TPRX1: variants seen among roughly 807,000 people sequenced by gnomAD.
The protein encoded by TPRX1 is tetra-peptide repeat homeobox protein 1.
TPRX1 carries 2 observed loss-of-function variants against 8.1 expected under a neutral mutation model. That is an observed-to-expected ratio of 0.25 (90% confidence interval 0.10 to 0.78). The LOEUF (loss-of-function observed/expected upper bound fraction) is 0.78, where lower values mean the gene tolerates loss of function less well. TPRX1 is among the 30% of genes least tolerant of loss of function. The probability of loss-of-function intolerance (pLI) is 0.70; values close to 1 mark genes in which losing one functional copy is unlikely to be tolerated. For missense variants in TPRX1, 517 were observed against 586.9 expected (o/e 0.88, Z 1.23); for synonymous variants, 257 against 254.1 (o/e 1.01, Z -0.11).
intron 2 of TPRX1, among the ~76,000 whole-genome samples, chr19:47,815,057 C>A (rs1967818488): frequency 7.3e-6 from 1 of 137,364 alleles, no homozygotes; most frequent in African/African-American, 2.7e-5. Context: ...TCTTGGCCTC[C>A]CAAAGTGCTG....
intron 2 of TPRX1, among the ~76,000 whole-genome samples, chr19:47,810,234 G>A (rs1373019979): frequency 8.9e-5 from 8 of 90,002 alleles, no homozygotes; most frequent in Admixed American, 3.7e-4. Context: ...CAGCCCCGGC[G>A]ACAGAGTGAG....
At chr19:47,804,125 G>A (rs1483216652) in intron 2 of TPRX1, among the ~76,000 whole-genome samples, 2 of 150,598 alleles carry the variant, frequency 1.3e-5, no homozygotes, top group East Asian at 2.0e-4. Context: ...ATGTGATCAC[G>A]GCTCAAGTCA....
chr19:47,802,342 G>T, exon 4 of TPRX1: 1 of 1,190,664 alleles, frequency 8.4e-7, no homozygotes. Context: ...TTGGGCCTGG[G>T]ATCGGGCCTG....
chr19:47,803,908 C>T lies in TPRX1; in HGVS notation c.152-235G>A, dbSNP rs984417937. 3.3e-5 allele frequency among the ~76,000 whole-genome samples: 5 copies of T among 152,046 alleles called. No individual in the cohort carries two copies. The South Asian group carries it at 8.3e-4, about 25-fold the overall frequency. Reference sequence around the variant, plus strand: ...GGCAGGCAGCGTAGGCGCCTCACCTCGGAGCAGACGGGGCTGCCTCAGGCC... The same window carrying T: ...GGCAGGCAGCGTAGGCGCCTCACCTTGGAGCAGACGGGGCTGCCTCAGGCC... On this transcript the variant is annotated intron_variant, in intron 2 of 3. Coordinates refer to ENST00000535759, the Ensembl canonical transcript of TPRX1.
At chr19:47,818,184 ACCAT>A (rs902009512) in intron 2 of TPRX1, among the ~76,000 whole-genome samples, 8 of 150,448 alleles carry the variant, frequency 5.3e-5, no homozygotes, top group African/African-American at 1.7e-4. Flanking sequence ...GTTCTGCCCC[ACCAT>A]CCATCCATCC....
chr19:47,806,083 C>T (rs1266879627), intron 2 of TPRX1, among the ~76,000 whole-genome samples: 4 of 151,956 alleles, frequency 2.6e-5, no homozygotes, highest in South Asian at 2.1e-4. Flanking sequence ...ATTAGCTGGG[C>T]GTGGTGGCCA....
rs139181276 is a variant in TPRX1, at chr19:47,806,348, G to A, written c.152-2675C>T. On this transcript the variant is annotated intron_variant, in intron 2 of 3. Coordinates refer to ENST00000535759, the Ensembl canonical transcript of TPRX1. Reference sequence around the variant, plus strand: ...AGCTTGGTCGACATGGTGAAAATCCGTCTCTACTAAAAATACAAAAAATTA... The same window carrying A: ...AGCTTGGTCGACATGGTGAAAATCCATCTCTACTAAAAATACAAAAAATTA... Among the ~76,000 whole-genome samples, 1,209 of 152,080 alleles carry A rather than the reference G, an allele frequency of 7.9e-3. 18 individuals carry two copies. Among genetic ancestry groups the A allele is most frequent in the African/African-American group, 0.027 (1,123 of 41,498 alleles).
intron 2 of TPRX1, among the ~76,000 whole-genome samples, 129 bp downstream of exon 1, chr19:47,804,386 G>A (rs1016744694): frequency 2.6e-5 from 4 of 152,120 alleles, no homozygotes; most frequent in African/African-American, 9.7e-5. Flanking sequence ...ACACCACTAA[G>A]TTCTCCCCCG....
chr19:47,801,828 C>G (rs1967666230), exon 4 of TPRX1: 3 of 1,613,956 alleles, frequency 1.9e-6, no homozygotes, highest in Non-Finnish European at 2.5e-6. Flanking sequence ...ACAGAGCCAC[C>G]CTCCTCTTGG....
intron 2 of TPRX1, among the ~76,000 whole-genome samples, chr19:47,817,879 C>T (rs185202096): frequency 1.3e-5 from 2 of 152,370 alleles, no homozygotes; most frequent in Admixed American, 1.3e-4. Context: ...CAGGGCCCTC[C>T]CTTGTTGGCC....
At chr19:47,818,874 C>T in intron 1 of TPRX1, 1 of 274,316 alleles carries the variant, frequency 3.6e-6, no homozygotes, top group South Asian at 4.0e-5. Context: ...GGTATTTCTC[C>T]TAATGCTATT....
intron 2 of TPRX1, among the ~76,000 whole-genome samples, chr19:47,815,121 T>TAC (rs1967821197): frequency 1.1e-5 from 1 of 90,252 alleles, no homozygotes; most frequent in African/African-American, 4.8e-5. Flanking sequence ...AAATTATATA[T>TAC]ATATATATAT....
At chr19:47,818,638 G>C (rs560167670) in intron 1 of TPRX1, 1 of 440,730 alleles carries the variant, frequency 2.3e-6, no homozygotes, top group Non-Finnish European at 4.6e-6. Flanking sequence ...GGTATGAGGA[G>C]CACCCCCATC....
intron 2 of TPRX1, among the ~76,000 whole-genome samples, chr19:47,811,149 G>A (rs184377197): frequency 9.7e-4 from 146 of 150,126 alleles, no homozygotes; most frequent in Middle Eastern, 6.8e-3. Flanking sequence ...GATTACAGGC[G>A]CCCGCCACCA....
chr19:47,811,284 G>A (rs1238149025), intron 2 of TPRX1, among the ~76,000 whole-genome samples: 2 of 151,838 alleles, frequency 1.3e-5, no homozygotes, highest in African/African-American at 2.4e-5. Flanking sequence ...AATTACAGGT[G>A]TGAGCCACCG....
intron 2 of TPRX1, among the ~76,000 whole-genome samples, chr19:47,814,411 C>A (rs1347216561): frequency 1.3e-5 from 2 of 152,158 alleles, no homozygotes; most frequent in Non-Finnish European, 2.9e-5. Flanking sequence ...GTAATCCCAG[C>A]ACTTTGGGAA....
At chr19:47,811,846 T>C (rs1221072299) in intron 2 of TPRX1, among the ~76,000 whole-genome samples, 2 of 150,850 alleles carry the variant, frequency 1.3e-5, no homozygotes, top group Non-Finnish European at 1.5e-5. Flanking sequence ...GAACTGCCTG[T>C]ATTTATTTAT....
chr19:47,807,996 C>G (rs1477681052), intron 2 of TPRX1, among the ~76,000 whole-genome samples: 1 of 151,960 alleles, frequency 6.6e-6, no homozygotes, highest in African/African-American at 2.4e-5. Context: ...TGGAGTCAAT[C>G]GAAACTCACT....
chr19:47,807,841 T>C (rs992478207), intron 2 of TPRX1, among the ~76,000 whole-genome samples: 4 of 151,976 alleles, frequency 2.6e-5, no homozygotes, highest in Non-Finnish European at 5.9e-5. Context: ...ATTGATGAAG[T>C]GTAGGTTGGT....
Sources: gnomAD v4.1 joint callset for allele counts (sites outside exome capture counted in the v4.1 genomes callset) on GRCh38, gnomAD v4.1.1 for gene constraint, MANE v1.5 for transcripts, NCBI Gene and HGNC (gene_info 2026-07-23, HGNC 2026-07-21) for gene names.